The following WDPCP variants were observed in gnomAD, a reference collection of about 807,000 sequenced individuals.
The protein encoded by WDPCP is WD repeat containing planar cell polarity effector, also known as WD repeat-containing and planar cell polarity effector protein fritz homolog.
A neutral mutation model predicts 93.1 loss-of-function variants in WDPCP; 71 were observed. That is an observed-to-expected ratio of 0.76 (90% CI 0.63 to 0.93). The LOEUF is 0.93. Ranked by LOEUF, WDPCP falls within the 40% of genes least tolerant of loss-of-function variation. The probability of loss-of-function intolerance (pLI) is 0.00; values close to 1 mark genes in which losing one functional copy is unlikely to be tolerated. For missense variants in WDPCP, 844 were observed against 887.4 expected (o/e 0.95, Z 0.62); for synonymous variants, 315 against 315.0 (o/e 1.00, Z 0.00).
chr2:63,815,570 A>G (rs1670921416), intron 1 of WDPCP, among the ~76,000 whole-genome samples: 1 of 152,208 alleles, frequency 6.6e-6, no homozygotes, highest in Non-Finnish European at 1.5e-5. Context: ...CTCTCTAAGA[A>G]GCTTTCATTG....
chr2:63,157,047 CT>C (rs75011675), intron 15 of WDPCP, among the ~76,000 whole-genome samples: 334 of 123,108 alleles, frequency 2.7e-3, no homozygotes, highest in South Asian at 3.7e-3. Flanking sequence ...GTTTTCTGGG[CT>C]TTTTTTTTTT....
chr2:63,198,134 G>T (rs561683232), intron 14 of WDPCP, among the ~76,000 whole-genome samples: 1 of 152,128 alleles, frequency 6.6e-6, no homozygotes, highest in Non-Finnish European at 1.5e-5. Flanking sequence ...TGTGAGGAGT[G>T]AATCCAATTT....
rs953496620 is a variant in WDPCP, at chr2:63,268,276, T to C, written c.1813-8867A>G. ...TGTTATATATGGATTTTTTTTAAAT[T>C]GATTTCATAGAAACAGGAAGGTGAT... On this transcript the variant is annotated intron_variant, in intron 13 of 17. Transcript: ENST00000272321. Among the ~76,000 whole-genome samples, 3 of 152,126 alleles carry C rather than the reference T, an allele frequency of 2.0e-5. No homozygotes were observed. In the East Asian group the frequency reaches 5.8e-4, roughly 29 times the overall value.
intron 2 of WDPCP, among the ~76,000 whole-genome samples, chr2:63,714,822 C>T (rs1459175562): frequency 2.0e-5 from 3 of 152,194 alleles, no homozygotes; most frequent in African/African-American, 7.2e-5. Flanking sequence ...GAGTGAGACT[C>T]CGTCTCAAAA....
intron 13 of WDPCP, 60 bp downstream of exon 13, chr2:63,313,188 A>G (rs371549564): frequency 3.3e-5 from 50 of 1,512,792 alleles, no homozygotes; most frequent in Non-Finnish European, 4.6e-5. Context: ...TTATGGTCAC[A>G]AAAGCTGACA....
At chr2:63,313,882 A>G (rs201275849) in intron 12 of WDPCP, among the ~76,000 whole-genome samples, 4 of 30,810 alleles carry the variant, frequency 1.3e-4, no homozygotes, top group African/African-American at 2.3e-4. Context: ...ATATATATAT[A>G]TATATTTTTT....
At chr2:63,281,067 T>C (rs1160327370) in intron 13 of WDPCP, among the ~76,000 whole-genome samples, 1 of 151,890 alleles carries the variant, frequency 6.6e-6, no homozygotes, top group Non-Finnish European at 1.5e-5. Context: ...GAGAAAATCT[T>C]CACAATCTAT....
chr2:63,270,073 A>G (rs1381530823), intron 13 of WDPCP, among the ~76,000 whole-genome samples: 1 of 152,224 alleles, frequency 6.6e-6, no homozygotes, highest in Non-Finnish European at 1.5e-5. Context: ...CTTTCAAGAT[A>G]AGGAAGTATG....
chr2:63,269,079 T>C (rs1682409006), intron 13 of WDPCP, among the ~76,000 whole-genome samples: 1 of 152,132 alleles, frequency 6.6e-6, no homozygotes, highest in East Asian at 1.9e-4. Flanking sequence ...AAAATTAAAA[T>C]GTCATATCAC....
chr2:63,823,210 A>C (rs72891005), intron 1 of WDPCP, among the ~76,000 whole-genome samples: 1,994 of 151,680 alleles, frequency 0.013, 51 homozygotes, highest in African/African-American at 0.046. Flanking sequence ...AAAAAAAAAA[A>C]AAAACAAAAA....
At chr2:63,784,886 T>G (rs1670444773) in intron 2 of WDPCP, among the ~76,000 whole-genome samples, 2 of 152,168 alleles carry the variant, frequency 1.3e-5, no homozygotes, top group African/African-American at 4.8e-5. Context: ...ATCCTAATGC[T>G]TTAAGTTGGT....
At chr2:63,755,589 T>C (rs529752552) in intron 2 of WDPCP, among the ~76,000 whole-genome samples, 1 of 152,354 alleles carries the variant, frequency 6.6e-6, no homozygotes, top group East Asian at 1.9e-4. Context: ...TACCCAAACC[T>C]ACATAATGCT....
intron 9 of WDPCP, among the ~76,000 whole-genome samples, chr2:63,421,368 C>T (rs1238537191): frequency 2.0e-5 from 3 of 151,746 alleles, no homozygotes; most frequent in Non-Finnish European, 4.4e-5. Flanking sequence ...TTATAACAGT[C>T]AACACAATAT....
chr2:63,422,525 GA>G (rs1254563539), intron 9 of WDPCP, among the ~76,000 whole-genome samples: 5 of 152,104 alleles, frequency 3.3e-5, no homozygotes, highest in Admixed American at 2.0e-4. Context: ...CAACCATTGG[GA>G]AACACATAGG....
At chr2:63,534,838 A>G (rs1704153569) in intron 1 of WDPCP, among the ~76,000 whole-genome samples, 1 of 152,212 alleles carries the variant, frequency 6.6e-6, no homozygotes, top group Admixed American at 6.5e-5. Context: ...CCTATTCAAC[A>G]TAGTGTTGGA....
chr2:63,154,095 A>G (rs1450506558), intron 15 of WDPCP, among the ~76,000 whole-genome samples: 3 of 151,920 alleles, frequency 2.0e-5, no homozygotes, highest in African/African-American at 7.2e-5. Flanking sequence ...AATAAAACTG[A>G]GATAATGTGG....
intron 14 of WDPCP, among the ~76,000 whole-genome samples, chr2:63,228,013 A>C (rs1319343908): frequency 6.6e-6 from 1 of 152,114 alleles, no homozygotes; most frequent in Non-Finnish European, 1.5e-5. Context: ...TACTTGTATC[A>C]TTTAATAGTC....
At chr2:63,353,623 G>GCT (rs1354976806) in intron 12 of WDPCP, among the ~76,000 whole-genome samples, 1 of 152,134 alleles carries the variant, frequency 6.6e-6, no homozygotes, top group Admixed American at 6.5e-5. Context: ...TGGCCAGGGT[G>GCT]CTTTTTTAAG....
chr2:63,755,010 C>T (rs1669940614), intron 2 of WDPCP, among the ~76,000 whole-genome samples: 1 of 152,136 alleles, frequency 6.6e-6, no homozygotes, highest in South Asian at 2.1e-4. Context: ...TTCCTTAGTC[C>T]TGGCTATAGG....
Sources: gnomAD v4.1 joint callset for allele counts (sites outside exome capture counted in the v4.1 genomes callset) on GRCh38, gnomAD v4.1.1 for gene constraint, MANE v1.5 for transcripts, NCBI Gene and HGNC (gene_info 2026-07-23, HGNC 2026-07-21) for gene names.